The following SLC1A1 variants were observed in gnomAD, a reference collection of about 807,000 sequenced individuals.
SLC1A1 encodes excitatory amino acid transporter 3.
In SLC1A1, 43 loss-of-function variants were observed where a neutral mutation model predicts 53.3. That is an observed-to-expected ratio of 0.81 (90% CI 0.63 to 1.04). The LOEUF (loss-of-function observed/expected upper bound fraction) is 1.04. Ranked by LOEUF, SLC1A1 falls within the 50% of genes least tolerant of loss-of-function variation. The pLI is 0.00. For synonymous variants in SLC1A1, 307 were observed against 243.2 expected (o/e 1.26, Z -2.44); for missense variants, 748 against 664.9 (o/e 1.12, Z -1.37).
At chr9:4,575,130 G>C (rs181939682) in intron 8 of SLC1A1, among the ~76,000 whole-genome samples, 1 of 152,324 alleles carries the variant, frequency 6.6e-6, no homozygotes, top group African/African-American at 2.4e-5. Flanking sequence ...GAAACTAAAA[G>C]TCAGTTCCTC....
chr9:4,516,120 G>A (rs1821153413), intron 1 of SLC1A1, among the ~76,000 whole-genome samples: 1 of 152,186 alleles, frequency 6.6e-6, no homozygotes, highest in South Asian at 2.1e-4. Context: ...CATAAAGAAA[G>A]AGGAAATGAC....
rs1307577927 is a variant in SLC1A1 at position 4,549,419 on chromosome 9, C to T, written c.232+4712C>T. On this transcript the variant is annotated intron_variant, in intron 2 of 11. Coordinates refer to ENST00000262352, the MANE Select transcript of SLC1A1 (RefSeq NM_004170.6). This position sits in a 1 kb window ranked among gnomAD's most constrained non-coding sequence, Gnocchi z 4.1. The stretch of plus-strand genomic sequence containing the variant: ...ACCACACTTCTACTCAGGACATAAT[C>T]TTTGCTAAAGGTAACCAAAAGCAGA... 2.0e-5 allele frequency among the ~76,000 whole-genome samples: 3 copies of T among 152,182 alleles called. No individual in the cohort carries two copies. The highest frequency in any genetic ancestry group is 4.4e-5 in the Non-Finnish European group (3 of 68,036).
intron 1 of SLC1A1, among the ~76,000 whole-genome samples, chr9:4,514,195 T>C (rs751475209): frequency 6.6e-6 from 1 of 152,226 alleles, no homozygotes; most frequent in Non-Finnish European, 1.5e-5. Context: ...TCAACACATG[T>C]ACACACACAT....
At chr9:4,495,685 G>C (rs1333447429) in intron 1 of SLC1A1, among the ~76,000 whole-genome samples, 1 of 151,642 alleles carries the variant, frequency 6.6e-6, no homozygotes. Flanking sequence ...AGGAGATGAA[G>C]TGGAGGTGAG....
chr9:4,526,176 C>T (rs1350289548), intron 1 of SLC1A1, among the ~76,000 whole-genome samples: 6 of 151,746 alleles, frequency 4.0e-5, no homozygotes, highest in Non-Finnish European at 8.8e-5. Flanking sequence ...ATGAGCTAAG[C>T]GATCAACTCC....
chr9:4,559,004 T>C (rs1818685505), intron 2 of SLC1A1, among the ~76,000 whole-genome samples: 1 of 152,234 alleles, frequency 6.6e-6, no homozygotes, highest in African/African-American at 2.4e-5. Context: ...TATTTTATAA[T>C]CATATAATAT....
At chr9:4,510,976 C>A (rs1820980609) in intron 1 of SLC1A1, among the ~76,000 whole-genome samples, 1 of 152,220 alleles carries the variant, frequency 6.6e-6, no homozygotes, top group Admixed American at 6.5e-5. Flanking sequence ...GAGCAACAGA[C>A]CTGCCTTTTA....
rs187091602 is a variant in SLC1A1 at position 4,526,350 on chromosome 9, T to C, written c.92-18217T>C. Among the ~76,000 whole-genome samples the C allele has an allele frequency of 2.2e-4, 34 of 152,248 alleles. 1 individual carries two copies. The highest frequency in any genetic ancestry group is 7.5e-4 in the African/African-American group (31 of 41,558). ...ATCTACTTGTATTAATATTAATAAATCTCAAAAACACAAAAGAATTTCAAA... is the reference window on the plus strand; with the variant it reads ...ATCTACTTGTATTAATATTAATAAACCTCAAAAACACAAAAGAATTTCAAA... On this transcript the variant is annotated intron_variant, in intron 1 of 11. Coordinates refer to ENST00000262352, the MANE Select transcript of SLC1A1 (RefSeq NM_004170.6).
chr9:4,514,490 A>T (rs1433835821), intron 1 of SLC1A1, among the ~76,000 whole-genome samples: 4 of 152,298 alleles, frequency 2.6e-5, no homozygotes, highest in African/African-American at 9.6e-5. Context: ...TGTCACATGG[A>T]TCTTGGAGGA....
intron 5 of SLC1A1, among the ~76,000 whole-genome samples, chr9:4,567,049 G>A (rs1819556367): frequency 6.6e-6 from 1 of 152,182 alleles, no homozygotes. Flanking sequence ...GGCAGAGCCT[G>A]GTAGTGGGGG....
At chr9:4,520,096 G>A (rs1231386298) in intron 1 of SLC1A1, among the ~76,000 whole-genome samples, 1 of 152,142 alleles carries the variant, frequency 6.6e-6, no homozygotes, top group East Asian at 1.9e-4. Flanking sequence ...TCCACAATCT[G>A]TAATCACAAC....
At chr9:4,522,258 A>C (rs999595684) in intron 1 of SLC1A1, among the ~76,000 whole-genome samples, 3 of 151,812 alleles carry the variant, frequency 2.0e-5, no homozygotes, top group African/African-American at 7.3e-5. Flanking sequence ...TCACTGAGTT[A>C]GCCAGGATGG....
At chr9:4,577,759 G>A (rs754896595) in intron 10 of SLC1A1, among the ~76,000 whole-genome samples, 2 of 152,244 alleles carry the variant, frequency 1.3e-5, no homozygotes, top group African/African-American at 2.4e-5. Context: ...ATAGGTGTGA[G>A]CCACCACGCC....
At chr9:4,548,918 C>A (rs1171422486) in intron 2 of SLC1A1, among the ~76,000 whole-genome samples, 2 of 152,158 alleles carry the variant, frequency 1.3e-5, no homozygotes, top group African/African-American at 4.8e-5. Flanking sequence ...TGAGGAATAT[C>A]TGTGTTTGGG....
chr9:4,512,787 C>G (rs1352940578), intron 1 of SLC1A1, among the ~76,000 whole-genome samples: 2 of 151,590 alleles, frequency 1.3e-5, no homozygotes, highest in African/African-American at 2.4e-5. Flanking sequence ...TAAATTGAGA[C>G]AGGGTCTCAC....
At chr9:4,569,001 C>T (rs1819769823) in intron 6 of SLC1A1, among the ~76,000 whole-genome samples, 1 of 152,144 alleles carries the variant, frequency 6.6e-6, no homozygotes, top group Admixed American at 6.5e-5. Flanking sequence ...AGCAACGGTT[C>T]AGTATTTGCT....
chr9:4,504,129 C>T (rs73641452), intron 1 of SLC1A1, among the ~76,000 whole-genome samples: 2,248 of 152,292 alleles, frequency 0.015, 54 homozygotes, highest in African/African-American at 0.05. Flanking sequence ...CTCAAGAAAC[C>T]AGCACCAGAA....
chr9:4,550,195 C>G (rs1180874994), intron 2 of SLC1A1, among the ~76,000 whole-genome samples: 1 of 152,152 alleles, frequency 6.6e-6, no homozygotes, highest in African/African-American at 2.4e-5. Flanking sequence ...CAGTTTCCAC[C>G]AGACACTGGT....
At chr9:4,526,788 G>A (rs10815003) in intron 1 of SLC1A1, among the ~76,000 whole-genome samples, 45,278 of 151,498 alleles carry the variant, frequency 0.3, 8,116 homozygotes, top group Admixed American at 0.41. Context: ...TGTAGTAAGG[G>A]ATCTACAATA....
Sources: allele counts gnomAD v4.1 joint callset (sites outside exome capture counted in the v4.1 genomes callset), GRCh38; gene constraint gnomAD v4.1.1; non-coding constraint Gnocchi (gnomAD v3.1); transcripts MANE v1.5; gene names NCBI Gene and HGNC (gene_info 2026-07-23, HGNC 2026-07-21).